The following LRP1B variants were observed in gnomAD, a reference collection of about 807,000 sequenced individuals.
LRP1B encodes low-density lipoprotein receptor-related protein 1B.
Under a neutral mutation model 556.6 loss-of-function variants are expected in LRP1B, and 217 were observed. The ratio of observed to expected loss-of-function variants is 0.39; its 90% CI spans 0.35 to 0.44. The LOEUF (loss-of-function observed/expected upper bound fraction) is 0.44. LRP1B is among the 20% of genes least tolerant of loss of function. LRP1B has a pLI of 1.00. For synonymous variants in LRP1B, 2,047 were observed against 1,865.8 expected (o/e 1.10, Z -2.50); for missense variants, 5,053 against 5,620.8 (o/e 0.90, Z 3.23).
At chr2:142,094,529 G>C (rs1706288325) in intron 1 of LRP1B, among the ~76,000 whole-genome samples, 1 of 151,900 alleles carries the variant, frequency 6.6e-6, no homozygotes, top group South Asian at 2.1e-4. Context: ...AAAAGAATCA[G>C]TTCTATAAAC....
intron 3 of LRP1B, among the ~76,000 whole-genome samples, chr2:141,453,318 C>T (rs1338637190): frequency 6.6e-6 from 1 of 152,140 alleles, no homozygotes; most frequent in East Asian, 1.9e-4. Context: ...TTTCCTGTTT[C>T]TCTGATTTTG....
At chr2:141,140,328 TA>T (rs1329338587) in intron 7 of LRP1B, among the ~76,000 whole-genome samples, 1 of 152,058 alleles carries the variant, frequency 6.6e-6, no homozygotes, top group Non-Finnish European at 1.5e-5. Flanking sequence ...TATATAATAA[TA>T]AAAATTTTTT....
At chr2:140,445,518 CAA>C (rs1410717679) in intron 63 of LRP1B, among the ~76,000 whole-genome samples, 5 of 151,994 alleles carry the variant, frequency 3.3e-5, no homozygotes, top group Non-Finnish European at 7.4e-5. Flanking sequence ...GATTATTATA[CAA>C]GAGAACAATA....
intron 11 of LRP1B, among the ~76,000 whole-genome samples, chr2:141,028,681 T>G (rs1400048949): frequency 6.6e-6 from 1 of 152,120 alleles, no homozygotes; most frequent in Non-Finnish European, 1.5e-5. Flanking sequence ...TCATCATTCT[T>G]TAATGATTCT....
chr2:141,137,609 A>T (rs1701522589), intron 7 of LRP1B, among the ~76,000 whole-genome samples: 1 of 152,006 alleles, frequency 6.6e-6, no homozygotes, highest in Non-Finnish European at 1.5e-5. Flanking sequence ...AAATATATAC[A>T]ATTGTATTGT....
chr2:141,171,419 A>G (rs1411469964), intron 7 of LRP1B, among the ~76,000 whole-genome samples: 1 of 152,066 alleles, frequency 6.6e-6, no homozygotes, highest in Non-Finnish European at 1.5e-5. Flanking sequence ...CCAAAATGTC[A>G]TATATTTAGT....
intron 12 of LRP1B, among the ~76,000 whole-genome samples, chr2:141,018,833 C>G (rs949479161): frequency 5.3e-5 from 8 of 152,044 alleles, no homozygotes; most frequent in African/African-American, 1.9e-4. Context: ...GAAACACTTA[C>G]AATGAGTTCA....
rs369013160 is a variant in LRP1B, at chr2:140,766,844, T to TTATATA, written c.5758+2363_5758+2368dup. Among the ~76,000 whole-genome samples the TTATATA allele has an allele frequency of 3.6e-5, 2 of 54,936 alleles. 1 individual carries two copies. The highest frequency in any genetic ancestry group is 1.2e-4 in the African/African-American group (2 of 16,676). The allele number at this position is 54,936 out of a possible 152,430, so 36.0% of individuals were successfully genotyped here. A position where few individuals can be genotyped will look rare whatever the true frequency, so the allele number is the denominator to read the frequency against. ...TAAAATATATATATATATATATATA[T>TTATATA]TATATATATATATATATATATAATA... is the stretch of plus-strand genomic sequence containing the variant. On this transcript the variant is annotated intron_variant, in intron 35 of 90. Coordinates refer to ENST00000389484, the MANE Select transcript of LRP1B (RefSeq NM_018557.3).
At chr2:140,366,168 G>A (rs1181876211) in intron 71 of LRP1B, among the ~76,000 whole-genome samples, 1 of 151,702 alleles carries the variant, frequency 6.6e-6, no homozygotes, top group Non-Finnish European at 1.5e-5. Flanking sequence ...TATTTCAAGA[G>A]AGGTCATGGC....
At chr2:140,952,384 C>G (rs1007237504) in intron 18 of LRP1B, among the ~76,000 whole-genome samples, 2 of 151,732 alleles carry the variant, frequency 1.3e-5, no homozygotes, top group Admixed American at 6.6e-5. Flanking sequence ...CACTCTGCGT[C>G]TGAAAGATGT....
intron 32 of LRP1B, among the ~76,000 whole-genome samples, chr2:140,812,114 A>G (rs1690949345): frequency 1.3e-5 from 2 of 152,192 alleles, no homozygotes; most frequent in South Asian, 4.1e-4. Flanking sequence ...GAAAACCACT[A>G]AACATCTGAT....
At chr2:140,642,069 C>A (rs1684315134) in intron 41 of LRP1B, among the ~76,000 whole-genome samples, 1 of 152,070 alleles carries the variant, frequency 6.6e-6, no homozygotes, top group Non-Finnish European at 1.5e-5. Flanking sequence ...GTGACCTGGA[C>A]CTTCATAGAG....
chr2:140,561,401 T>C (rs1454884472), intron 43 of LRP1B, among the ~76,000 whole-genome samples: 1 of 152,208 alleles, frequency 6.6e-6, no homozygotes, highest in African/African-American at 2.4e-5. Context: ...TATTTCTACA[T>C]GGCTGTCCAT....
intron 1 of LRP1B, among the ~76,000 whole-genome samples, chr2:141,891,618 T>C (rs920107): frequency 0.85 from 129,835 of 152,106 alleles, 55,681 homozygotes; most frequent in East Asian, 1. Flanking sequence ...TCTACAAAGA[T>C]TTCTTAATGT....
intron 18 of LRP1B, among the ~76,000 whole-genome samples, chr2:140,967,313 T>C (rs557560634): frequency 3.1e-3 from 420 of 135,714 alleles, no homozygotes; most frequent in Non-Finnish European, 5.2e-3. Context: ...CAACTGTGAA[T>C]GGGAGTTCAC....
At chr2:141,755,267 G>C (rs1694274467) in intron 2 of LRP1B, among the ~76,000 whole-genome samples, 1 of 151,990 alleles carries the variant, frequency 6.6e-6, no homozygotes, top group South Asian at 2.1e-4. Flanking sequence ...CTGTCTAAAA[G>C]ATATGGAAGT....
At chr2:140,807,112 C>A (rs925395746) in intron 32 of LRP1B, among the ~76,000 whole-genome samples, 6 of 152,124 alleles carry the variant, frequency 3.9e-5, no homozygotes, top group African/African-American at 1.2e-4. Flanking sequence ...CTTGAGTTCG[C>A]CTCACTGTCT....
At chr2:140,881,668 C>T in intron 25 of LRP1B, among the ~76,000 whole-genome samples, 1 of 151,952 alleles carries the variant, frequency 6.6e-6, no homozygotes, top group Non-Finnish European at 1.5e-5. Flanking sequence ...ATTTTATTAT[C>T]AATGTAATTA....
intron 2 of LRP1B, among the ~76,000 whole-genome samples, 166 bp downstream of exon 2, chr2:141,810,099 GAAAGAAAGAAAGAA>G (rs1218105514): frequency 1.7e-4 from 22 of 128,328 alleles, no homozygotes; most frequent in African/African-American, 5.0e-4. Context: ...TTGGAAAAAA[GAAAGAAAGAAAGAA>G]AAAGAAAGAA....
Sources: gnomAD v4.1 joint callset for allele counts (sites outside exome capture counted in the v4.1 genomes callset) on GRCh38, gnomAD v4.1.1 for gene constraint, MANE v1.5 for transcripts, NCBI Gene and HGNC (gene_info 2026-07-23, HGNC 2026-07-21) for gene names.